Variants in GOLIM4 observed in about 807,000 individuals in gnomAD.
The protein encoded by GOLIM4 is golgi integral membrane protein 4.
Under a neutral mutation model 107.4 loss-of-function variants are expected in GOLIM4, and 71 were observed. The observed-to-expected ratio is 0.66, with a 90% confidence interval of 0.55 to 0.81. The LOEUF is 0.81. Ranked by LOEUF, GOLIM4 falls within the 30% of genes least tolerant of loss-of-function variation. The pLI is 0.00. For missense variants in GOLIM4, 830 were observed against 826.1 expected, an observed-to-expected ratio of 1.00 and a Z score of -0.06; for synonymous variants, 327 against 294.8, an observed-to-expected ratio of 1.11 and a Z score of -1.12.
At chr3:168,040,913 G>A (rs757310237) in intron 6 of GOLIM4, 44 bp from the exon 7 acceptor site, 10 of 1,272,520 alleles carry the variant, frequency 7.9e-6, no homozygotes, top group Middle Eastern at 1.9e-4. Context: ...AACATTCTAC[G>A]ACAAATTCTT....
At chr3:168,018,569 G>A (rs1179468177) in intron 14 of GOLIM4, among the ~76,000 whole-genome samples, 1 of 152,152 alleles carries the variant, frequency 6.6e-6, no homozygotes, top group South Asian at 2.1e-4. Context: ...GACCTATCTT[G>A]TCTCACCTTA....
At position 168,010,208 on chromosome 3, in the gene GOLIM4, T is replaced by C; in HGVS notation, c.*61A>G. The C allele has an allele frequency of 6.8e-7, 1 of 1,481,252 alleles. No homozygotes were observed. The highest frequency in any genetic ancestry group is 9.2e-7 in the Non-Finnish European group (1 of 1,089,946). The allele number at this position is 1,481,252 out of a possible 1,614,324, so 91.8% of individuals were successfully genotyped here. A position where few individuals can be genotyped will look rare whatever the true frequency, so the allele number is the denominator to read the frequency against. ...ATATCCTAGAGTTCAGTAGGCAGAT[T>C]TATGTTTGAGCAGCTTGAAAAGAAT... On this transcript the variant is annotated 3_prime_UTR_variant, in exon 16 of 16. Transcript: ENST00000470487.
intron 1 of GOLIM4, among the ~76,000 whole-genome samples, chr3:168,084,084 CG>C (rs1721502953): frequency 6.6e-6 from 1 of 152,074 alleles, no homozygotes; most frequent in South Asian, 2.1e-4. Context: ...ACTGGATCAT[CG>C]GGGTGGATTT....
chr3:168,086,336 G>A (rs1291476761), intron 1 of GOLIM4, among the ~76,000 whole-genome samples: 3 of 151,886 alleles, frequency 2.0e-5, no homozygotes. Flanking sequence ...ATATTTATTT[G>A]ACAGCATCAT....
At chr3:168,061,769 A>G (rs1720286878) in intron 1 of GOLIM4, among the ~76,000 whole-genome samples, 1 of 152,216 alleles carries the variant, frequency 6.6e-6, no homozygotes, top group Non-Finnish European at 1.5e-5. Context: ...ATGATAGAAG[A>G]CAAGATACTA....
chr3:168,025,250 A>G (rs564790725), intron 12 of GOLIM4, among the ~76,000 whole-genome samples, 155 bp from the exon 13 acceptor site: 15 of 152,316 alleles, frequency 9.8e-5, no homozygotes, highest in African/African-American at 3.6e-4. Flanking sequence ...CAAGCATCAC[A>G]CTGTCAAAAG....
At chr3:168,092,764 C>G (rs542195675) in intron 1 of GOLIM4, among the ~76,000 whole-genome samples, 1 of 152,206 alleles carries the variant, frequency 6.6e-6, no homozygotes, top group African/African-American at 2.4e-5. Context: ...AAGTTGCATA[C>G]CACCAGAAAA....
intron 1 of GOLIM4, 33 bp from the exon 2 acceptor site, chr3:168,048,398 G>T (rs971573838): frequency 7.6e-6 from 8 of 1,046,022 alleles, no homozygotes; most frequent in Admixed American, 4.8e-5. Flanking sequence ...TGTCTTCAAA[G>T]AATTAGAAAT....
rs371431694 is a variant in GOLIM4 at position 168,035,739 on chromosome 3, C to G, written c.843+1097G>C. ...ATCTTTACAACAAACTCCCATGACA[C>G]AGTTTACCTACGTAACAAACTTGCT... On this transcript the variant is annotated intron_variant, in intron 8 of 15. Coordinates refer to ENST00000470487, the MANE Select transcript of GOLIM4 (RefSeq NM_014498.5). Among the ~76,000 whole-genome samples, 10 of 152,194 alleles carry G rather than the reference C, an allele frequency of 6.6e-5. No individual in the cohort carries two copies. In the South Asian group the frequency reaches 1.9e-3, roughly 28 times the overall value.
At position 168,068,483 on chromosome 3, in the gene GOLIM4, C is replaced by T. The variant is rs570698543; in HGVS notation, c.188-20118G>A. ...ATGCAACTTACTGTTTATACGTCAACTTCTTGCAGGATAAAAATATGTTTA... is the reference window on the plus strand; with the variant it reads ...ATGCAACTTACTGTTTATACGTCAATTTCTTGCAGGATAAAAATATGTTTA... On this transcript the variant is annotated intron_variant, in intron 1 of 15. Coordinates refer to ENST00000470487, the MANE Select transcript of GOLIM4 (RefSeq NM_014498.5). Among the ~76,000 whole-genome samples the T allele has an allele frequency of 6.6e-5, 10 of 152,178 alleles. No homozygotes were observed. The South Asian group carries it at 2.1e-3, about 32-fold the overall frequency.
chr3:168,043,704 T>C (rs889686564), intron 4 of GOLIM4, among the ~76,000 whole-genome samples, 175 bp from the exon 5 acceptor site: 1 of 152,226 alleles, frequency 6.6e-6, no homozygotes, highest in Admixed American at 6.5e-5. Flanking sequence ...CCATTTCCCC[T>C]GGATTTCAAA....
At chr3:168,073,656 A>T (rs1720939877) in intron 1 of GOLIM4, among the ~76,000 whole-genome samples, 2 of 152,240 alleles carry the variant, frequency 1.3e-5, no homozygotes, top group South Asian at 4.1e-4. Flanking sequence ...TGCAAATATG[A>T]AAATAATGTA....
At chr3:168,032,389 A>G in intron 9 of GOLIM4, 131 bp downstream of exon 9, 1 of 724,498 alleles carries the variant, frequency 1.4e-6, no homozygotes, top group Non-Finnish European at 2.4e-6. Context: ...AAACTTAAAT[A>G]TGAGCATATA....
chr3:168,013,496 A>G (rs1161958865), intron 14 of GOLIM4, among the ~76,000 whole-genome samples: 2 of 144,490 alleles, frequency 1.4e-5, no homozygotes, highest in Admixed American at 1.3e-4. Context: ...CAGAAAGTCA[A>G]CAAGGATACC....
intron 12 of GOLIM4, among the ~76,000 whole-genome samples, chr3:168,025,900 A>C (rs1473795645): frequency 6.6e-6 from 1 of 152,208 alleles, no homozygotes; most frequent in Non-Finnish European, 1.5e-5. Context: ...TACACATCCT[A>C]ATAAAGATTT....
intron 1 of GOLIM4, among the ~76,000 whole-genome samples, chr3:168,078,274 A>T (rs1560106838): frequency 6.6e-6 from 1 of 152,134 alleles, no homozygotes. Flanking sequence ...TATTTTGTTA[A>T]TTTTTTCTAT....
intron 14 of GOLIM4, among the ~76,000 whole-genome samples, chr3:168,013,867 A>T (rs1350780172): frequency 2.7e-4 from 41 of 151,620 alleles, no homozygotes; most frequent in Non-Finnish European, 4.9e-4. Flanking sequence ...ACATACCAGA[A>T]TCTCTGGGAC....
At chr3:168,019,725 A>T (rs753127206) in intron 14 of GOLIM4, among the ~76,000 whole-genome samples, 1 of 152,234 alleles carries the variant, frequency 6.6e-6, no homozygotes, top group East Asian at 1.9e-4. Context: ...CGATTTTAAA[A>T]ATAAGGGTAT....
intron 14 of GOLIM4, among the ~76,000 whole-genome samples, chr3:168,020,231 A>AT (rs951563559): frequency 6.6e-6 from 1 of 152,154 alleles, no homozygotes; most frequent in Non-Finnish European, 1.5e-5. Flanking sequence ...TCCTGTATGT[A>AT]TGTGTGGTTG....
Sources: allele counts gnomAD v4.1 joint callset (sites outside exome capture counted in the v4.1 genomes callset), GRCh38; gene constraint gnomAD v4.1.1; transcripts MANE v1.5; gene names NCBI Gene and HGNC (gene_info 2026-07-23, HGNC 2026-07-21).